THEMIS: variants seen among roughly 807,000 people sequenced by gnomAD.
THEMIS encodes the protein thymocyte selection associated, also known as protein THEMIS.
In THEMIS, 37 loss-of-function variants were observed where a neutral mutation model predicts 52.6. That is an observed-to-expected ratio of 0.70 (90% CI 0.54 to 0.93). The LOEUF (loss-of-function observed/expected upper bound fraction) is 0.93, where lower values mean the gene tolerates loss of function less well. THEMIS is among the 40% of genes least tolerant of loss of function. The probability of loss-of-function intolerance (pLI) is 0.00; values close to 1 mark genes in which losing one functional copy is unlikely to be tolerated. For missense variants in THEMIS, 808 were observed against 763.1 expected, an observed-to-expected ratio of 1.06 and a Z score of -0.69; for synonymous variants, 292 against 272.7, an observed-to-expected ratio of 1.07 and a Z score of -0.70.
rs777808391 is a variant in THEMIS, at chr6:127,813,469, A to C, written c.1172T>G (p.Val391Gly). ...SSVSVGDQFLVHQSETTEVLC... is the reference protein window; with the variant it reads ...SSVSVGDQFLGHQSETTEVLC... ...GACTTCAGTCGTCTCTGACTGATGC[A>C]CCAGAAACTGGTCCCCAACAGATAC... The change falls in exon 4 of 6, where the codon GTG becomes GGG. Residue 391 changes from valine to glycine, a missense_variant. Transcript: ENST00000368248. The C allele has an allele frequency of 3.7e-6, 6 of 1,613,984 alleles. No homozygotes were observed. The East Asian group carries it at 1.3e-4, about 36-fold the overall frequency.
At chr6:127,906,372 C>T (rs1351709462) in intron 1 of THEMIS, among the ~76,000 whole-genome samples, 9 of 151,704 alleles carry the variant, frequency 5.9e-5, no homozygotes, top group Admixed American at 3.3e-4. Flanking sequence ...GCAAAATTGA[C>T]CAAATGAATG....
At chr6:127,767,282 C>G (rs1776233079) in intron 4 of THEMIS, among the ~76,000 whole-genome samples, 1 of 151,794 alleles carries the variant, frequency 6.6e-6, no homozygotes, top group Non-Finnish European at 1.5e-5. Context: ...AGTAAAGGCA[C>G]TGTTTCACCA....
At chr6:127,892,920 T>C (rs1780854322) in intron 1 of THEMIS, among the ~76,000 whole-genome samples, 1 of 152,122 alleles carries the variant, frequency 6.6e-6, no homozygotes, top group Non-Finnish European at 1.5e-5. Flanking sequence ...AATATTAGTA[T>C]GGTATGTGAA....
At chr6:127,828,079 C>T (rs962037697) in intron 3 of THEMIS, among the ~76,000 whole-genome samples, 2 of 152,160 alleles carry the variant, frequency 1.3e-5, no homozygotes, top group African/African-American at 4.8e-5. Flanking sequence ...ACCTCCTATG[C>T]ATCCTTTGAG....
At chr6:127,843,808 C>A (rs2114703700) in intron 2 of THEMIS, among the ~76,000 whole-genome samples, 1 of 152,012 alleles carries the variant, frequency 6.6e-6, no homozygotes, top group South Asian at 2.1e-4. Context: ...ACTCTCAGAC[C>A]ACTAAGTCAG....
At chr6:127,894,207 G>C (rs1780896418) in intron 1 of THEMIS, among the ~76,000 whole-genome samples, 1 of 152,010 alleles carries the variant, frequency 6.6e-6, no homozygotes, top group African/African-American at 2.4e-5. Context: ...CATATAAAGA[G>C]AGGTGTTATA....
At chr6:127,749,799 T>A (rs545847066) in intron 4 of THEMIS, among the ~76,000 whole-genome samples, 13 of 151,478 alleles carry the variant, frequency 8.6e-5, no homozygotes, top group African/African-American at 2.9e-4. Context: ...GAACTGAAAG[T>A]TTATTAGAGC....
chr6:127,892,190 A>G (rs748027757), intron 1 of THEMIS, among the ~76,000 whole-genome samples: 3 of 152,030 alleles, frequency 2.0e-5, no homozygotes, highest in East Asian at 3.9e-4. Flanking sequence ...CCTTCCCCCA[A>G]TTCCTTGCCT....
At chr6:127,863,670 G>A (rs979064491) in intron 1 of THEMIS, among the ~76,000 whole-genome samples, 1 of 152,172 alleles carries the variant, frequency 6.6e-6, no homozygotes, top group Non-Finnish European at 1.5e-5. Flanking sequence ...TTACATGGAT[G>A]TGAATGGCAT....
intron 4 of THEMIS, among the ~76,000 whole-genome samples, chr6:127,733,189 C>T (rs1368963465): frequency 1.3e-5 from 2 of 152,140 alleles, no homozygotes; most frequent in Non-Finnish European, 2.9e-5. Context: ...GTCTATTGTG[C>T]TATTTGTATT....
chr6:127,889,918 C>T (rs1780752930), intron 1 of THEMIS, among the ~76,000 whole-genome samples: 1 of 152,098 alleles, frequency 6.6e-6, no homozygotes, highest in Admixed American at 6.6e-5. Context: ...CCAACACAGA[C>T]ATTTGAGAAT....
In THEMIS at chr6:127,914,008, T is replaced by C. The variant is rs182513979; in HGVS notation, c.-150+4420A>G. Among the ~76,000 whole-genome samples, 148 of 152,326 alleles carry C rather than the reference T, an allele frequency of 9.7e-4. 1 individual carries two copies. Among genetic ancestry groups the C allele is most frequent in the African/African-American group, 3.4e-3 (141 of 41,576 alleles). ...GATTCTTTTAAGATTTTGGAATATT[T>C]CCATATACATAATGAAATATCTTGG... On this transcript the variant is annotated intron_variant, in intron 1 of 6. Transcript: ENST00000368250.
intron 4 of THEMIS, among the ~76,000 whole-genome samples, chr6:127,744,339 G>C (rs913202470): frequency 6.6e-6 from 1 of 151,912 alleles, no homozygotes; most frequent in Non-Finnish European, 1.5e-5. Flanking sequence ...ATGTACAATT[G>C]AAAATAATGA....
chr6:127,776,141 T>C (rs1776558588), intron 4 of THEMIS, among the ~76,000 whole-genome samples: 1 of 152,238 alleles, frequency 6.6e-6, no homozygotes, highest in Admixed American at 6.5e-5. Context: ...AATGAATGTA[T>C]GTCCATAATT....
intron 1 of THEMIS, among the ~76,000 whole-genome samples, chr6:127,858,983 T>C (rs1022662190): frequency 2.6e-5 from 4 of 152,126 alleles, no homozygotes; most frequent in African/African-American, 7.2e-5. Context: ...TTTTATGAGC[T>C]CATCCCTTGT....
chr6:127,797,144 C>A (rs1325351664), intron 4 of THEMIS, among the ~76,000 whole-genome samples: 1 of 152,222 alleles, frequency 6.6e-6, no homozygotes, highest in Non-Finnish European at 1.5e-5. Context: ...GTGCACTAAC[C>A]TTTCTTTTTT....
At chr6:127,798,911 G>A (rs1159654475) in intron 4 of THEMIS, among the ~76,000 whole-genome samples, 8 of 148,976 alleles carry the variant, frequency 5.4e-5, no homozygotes, top group Admixed American at 3.4e-4. Context: ...AGAATGGCGT[G>A]AACCCGGGAG....
intron 3 of THEMIS, among the ~76,000 whole-genome samples, chr6:127,820,231 G>C (rs887398596): frequency 7.2e-5 from 11 of 152,008 alleles, no homozygotes; most frequent in African/African-American, 2.4e-4. Flanking sequence ...GGCAGAAAAA[G>C]AAGGGGAAAA....
intron 4 of THEMIS, among the ~76,000 whole-genome samples, chr6:127,720,697 T>C (rs1774332513): frequency 6.6e-6 from 1 of 151,998 alleles, no homozygotes; most frequent in South Asian, 2.1e-4. Flanking sequence ...GACCATATAT[T>C]GCATGAAATT....
Sources: gnomAD v4.1 joint callset for allele counts (sites outside exome capture counted in the v4.1 genomes callset) on GRCh38, gnomAD v4.1.1 for gene constraint, MANE v1.5 for transcripts, NCBI Gene and HGNC (gene_info 2026-07-23, HGNC 2026-07-21) for gene names.